The following STON2 variants were observed in gnomAD, a reference collection of about 807,000 sequenced individuals.
STON2 encodes the protein stonin-2.
STON2 carries 29 observed loss-of-function variants against 65.7 expected under a neutral mutation model. The observed-to-expected ratio is 0.44, with a 90% CI of 0.33 to 0.60. STON2 has a LOEUF of 0.60. STON2 is among the 20% of genes least tolerant of loss of function. STON2 has a pLI of 0.03. For missense variants in STON2, 1,054 were observed against 1,118.1 expected, an observed-to-expected ratio of 0.94 and a Z score of 0.82; for synonymous variants, 404 against 414.2, an observed-to-expected ratio of 0.98 and a Z score of 0.30.
Position 81,278,439 on chromosome 14 carries a change from T to A in STON2, c.1043A>T (p.Lys348Met), listed in dbSNP as rs965150440. 6.2e-7 allele frequency: 1 copy of A among 1,614,252 alleles called. No individual in the cohort carries two copies. Among genetic ancestry groups the A allele is most frequent in the Middle Eastern group, 1.6e-4 (1 of 6,062 alleles). The stretch of plus-strand genomic sequence containing the variant: ...GCGGTTTAAAGAGGAAATATCCAGC[T>A]TCTGAACTTTGGAGAAGTTCATCAA... Reference protein sequence around the residue: ...STLMNFSKVQKLDISSLNRTP... With the variant: ...STLMNFSKVQMLDISSLNRTP... The change falls in exon 6 of 8, where the codon AAG becomes ATG. Residue 348 changes from lysine to methionine, a missense_variant. Physicochemically the swap from Lys to Met is moderately conservative, Grantham distance 95. Coordinates refer to ENST00000614646, the MANE Select transcript of STON2 (RefSeq NM_001394390.1).
chr14:81,402,506 T>C (rs142433487), upstream of STON2, among the ~76,000 whole-genome samples: 82 of 152,278 alleles, frequency 5.4e-4, 2 homozygotes, highest in South Asian at 0.012. Context: ...GCTTGAGCTA[T>C]AGGTGGTCTT....
chr14:81,270,825 C>G lies in STON2; in HGVS notation c.2629G>C (p.Asp877His). 6.2e-7 allele frequency: 1 copy of G among 1,613,878 alleles called. No individual in the cohort carries two copies. ...CFFCHLELGS[D>H]REVPSRFANH... ...GCAAATCTGGAAGGCACTTCCCGGT[C>G]AGAGCCGAGTTCAAGGTGGCAAAAG... The change falls in exon 7 of 8, where the codon GAC becomes CAC. Residue 877 changes from aspartate (D) to histidine (H), a missense_variant. By Grantham distance (81) the Asp-to-His change is moderately conservative (BLOSUM62 -1). Coordinates refer to ENST00000614646, the MANE Select transcript of STON2 (RefSeq NM_001394390.1).
chr14:81,322,045 C>T (rs1008589418), intron 5 of STON2, among the ~76,000 whole-genome samples: 2 of 152,146 alleles, frequency 1.3e-5, no homozygotes, highest in Non-Finnish European at 2.9e-5. Flanking sequence ...CTGGACCGTC[C>T]GTCTACATAA....
chr14:81,273,860 T>C (rs1160142659), intron 6 of STON2, among the ~76,000 whole-genome samples: 1 of 152,176 alleles, frequency 6.6e-6, no homozygotes, highest in Non-Finnish European at 1.5e-5. Flanking sequence ...AGAAGTAGGC[T>C]TCCAGTCAGC....
chr14:81,313,184 C>CTAG (rs1220252212), intron 5 of STON2, among the ~76,000 whole-genome samples: 1 of 152,174 alleles, frequency 6.6e-6, no homozygotes, highest in Non-Finnish European at 1.5e-5. Context: ...CAAAACCTAT[C>CTAG]TAGTGATTAG....
upstream of STON2, among the ~76,000 whole-genome samples, chr14:81,400,604 G>A (rs1220677842): frequency 1.3e-5 from 2 of 152,040 alleles, no homozygotes; most frequent in Non-Finnish European, 2.9e-5. Flanking sequence ...TGGATAAGTG[G>A]GGTAGGGAAG....
At position 81,308,825 on chromosome 14, in the gene STON2, T is replaced by TAAAAG. The variant is rs1566901380; in HGVS notation, c.742+15191_742+15192insCTTTT. On this transcript the variant is annotated intron_variant, in intron 5 of 7. Transcript: ENST00000614646. The stretch of plus-strand genomic sequence containing the variant: ...ATATATATATATATATATATATATA[T>TAAAAG]GTGTGTGTGTGTATATATATATATA... Among the ~76,000 whole-genome samples, 3 of 6,822 alleles carry TAAAAG rather than the reference T, an allele frequency of 4.4e-4. 1 individual carries two copies. 4.5% of individuals were successfully genotyped at this position (6,822 alleles called of 152,430 possible).
At chr14:81,340,678 G>A (rs1233923356) in intron 4 of STON2, among the ~76,000 whole-genome samples, 1 of 152,088 alleles carries the variant, frequency 6.6e-6, no homozygotes, top group African/African-American at 2.4e-5. Context: ...AGATGACTCT[G>A]AGGACATAGA....
chr14:81,378,074 C>T (rs1899337579), intron 3 of STON2, among the ~76,000 whole-genome samples: 2 of 151,946 alleles, frequency 1.3e-5, no homozygotes, highest in Non-Finnish European at 2.9e-5. Context: ...CTCAAACTCT[C>T]GACCTCAAGT....
intron 2 of STON2, among the ~76,000 whole-genome samples, chr14:81,424,790 C>T (rs975706081): frequency 6.6e-6 from 1 of 152,162 alleles, no homozygotes; most frequent in Non-Finnish European, 1.5e-5. Context: ...GCCTATTCTC[C>T]TTACTTTCTC....
In STON2 at chr14:81,390,312, G is replaced by A. The variant is rs747874842; in HGVS notation, c.373+5582C>T. 5.6e-4 allele frequency among the ~76,000 whole-genome samples: 85 copies of A among 152,328 alleles called. 1 individual carries two copies. Among genetic ancestry groups the A allele is most frequent in the Non-Finnish European group, 1.0e-3 (69 of 68,032 alleles). Reference sequence around the variant, plus strand: ...CTCTGGTTTGCTACTAGAGGATCCAGGAAGAAGCCCAGTGGATTTCTGCTC... The same window carrying A: ...CTCTGGTTTGCTACTAGAGGATCCAAGAAGAAGCCCAGTGGATTTCTGCTC... On this transcript the variant is annotated intron_variant, in intron 3 of 7. Transcript: ENST00000614646.
intron 4 of STON2, among the ~76,000 whole-genome samples, chr14:81,353,104 CTACA>C (rs1368800496): frequency 6.6e-6 from 1 of 152,026 alleles, no homozygotes; most frequent in Admixed American, 6.5e-5. Flanking sequence ...CTCCACACAT[CTACA>C]TGAATTAATT....
chr14:81,282,509 G>A (rs1895164268), intron 5 of STON2, among the ~76,000 whole-genome samples: 3 of 151,592 alleles, frequency 2.0e-5, no homozygotes, highest in Non-Finnish European at 4.4e-5. Context: ...TAGTACTACT[G>A]CTACTACTAC....
At chr14:81,371,676 T>A (rs1269474204) in intron 3 of STON2, among the ~76,000 whole-genome samples, 6 of 97,674 alleles carry the variant, frequency 6.1e-5, no homozygotes, top group South Asian at 4.0e-4. Context: ...AGACTGAGTC[T>A]AAAAAAAAAA....
At chr14:81,283,978 C>T (rs1895235325) in intron 5 of STON2, among the ~76,000 whole-genome samples, 2 of 152,176 alleles carry the variant, frequency 1.3e-5, no homozygotes, top group Admixed American at 1.3e-4. Flanking sequence ...ATATCTGTTA[C>T]AGTGATCTGT....
intron 2 of STON2, among the ~76,000 whole-genome samples, chr14:81,425,795 T>C (rs1176547944): frequency 6.6e-6 from 1 of 152,238 alleles, no homozygotes; most frequent in Non-Finnish European, 1.5e-5. Context: ...AGGCCAGATC[T>C]GATCGCTGGA....
chr14:81,417,807 T>C (rs1159468407), intron 2 of STON2, among the ~76,000 whole-genome samples: 1 of 152,118 alleles, frequency 6.6e-6, no homozygotes, highest in Admixed American at 6.5e-5. Flanking sequence ...TCTTGGAGCA[T>C]GCCTACATAA....
At chr14:81,427,498 T>C (rs1213800622) in intron 1 of STON2, 2 of 152,070 alleles carry the variant, frequency 1.3e-5, no homozygotes, top group Non-Finnish European at 2.9e-5. Context: ...GAACTTAAAA[T>C]CAACCGGAAG....
intron 5 of STON2, among the ~76,000 whole-genome samples, chr14:81,302,516 A>G (rs1401286453): frequency 6.6e-6 from 1 of 152,258 alleles, no homozygotes; most frequent in Non-Finnish European, 1.5e-5. Context: ...GACTGGTTCT[A>G]TACTGACATT....
Sources: allele counts gnomAD v4.1 joint callset (sites outside exome capture counted in the v4.1 genomes callset), GRCh38; gene constraint gnomAD v4.1.1; transcripts MANE v1.5; gene names NCBI Gene and HGNC (gene_info 2026-07-23, HGNC 2026-07-21).